The following CACNA1A variants were observed in gnomAD, a reference collection of about 807,000 sequenced individuals.
The protein encoded by CACNA1A is voltage-dependent P/Q-type calcium channel subunit alpha-1A.
Under a neutral mutation model 262.4 loss-of-function variants are expected in CACNA1A, and 57 were observed. The observed-to-expected ratio is 0.22, with a 90% CI of 0.18 to 0.27. CACNA1A has a LOEUF of 0.27. Among genes scored for constraint, CACNA1A ranks in the 10% least tolerant of loss-of-function variants. The probability of loss-of-function intolerance (pLI) is 1.00; values close to 1 mark genes in which losing one functional copy is unlikely to be tolerated. For synonymous variants in CACNA1A, 1,431 were observed against 1,419.3 expected, an observed-to-expected ratio of 1.01 and a Z score of -0.18; for missense variants, 2,526 against 3,562.8, an observed-to-expected ratio of 0.71 and a Z score of 7.41.
intron 26 of CACNA1A, chr19:13,260,584 A>C (rs919263820): frequency 1.3e-5 from 2 of 151,798 alleles, no homozygotes; most frequent in African/African-American, 4.8e-5. Context: ...TCCTGACCTC[A>C]TGATCCGCCC....
chr19:13,304,350 C>T lies in CACNA1A; in HGVS notation c.1987-466G>A, dbSNP rs546401998. Among the ~76,000 whole-genome samples the T allele has an allele frequency of 4.6e-5, 7 of 151,910 alleles. No individual in the cohort carries two copies. In the South Asian group the frequency reaches 6.3e-4, roughly 14 times the overall value. On this transcript the variant is annotated intron_variant, in intron 15 of 46. Coordinates refer to ENST00000360228, the MANE Select transcript of CACNA1A (RefSeq NM_001127222.2). ...TGCCCTTATAAGAACAGGAAGAGAC[C>T]GCATGCCATGGCTCATGCCTGTAAT...
chr19:13,418,128 G>A (rs960245983), intron 3 of CACNA1A, among the ~76,000 whole-genome samples: 2 of 152,110 alleles, frequency 1.3e-5, no homozygotes, highest in African/African-American at 2.4e-5. Flanking sequence ...TCCTCCTCAG[G>A]TGAGTTACTT....
chr19:13,418,675 T>C (rs937793278), intron 3 of CACNA1A, among the ~76,000 whole-genome samples: 1 of 152,012 alleles, frequency 6.6e-6, no homozygotes, highest in Non-Finnish European at 1.5e-5. Flanking sequence ...CCCGGATCCT[T>C]TGGAGGGACC....
chr19:13,439,254 G>T (rs144977531), intron 3 of CACNA1A, among the ~76,000 whole-genome samples: 12 of 150,376 alleles, frequency 8.0e-5, no homozygotes, highest in Non-Finnish European at 1.5e-5. Context: ...GACTACAGGC[G>T]CCCACCACCA....
intron 3 of CACNA1A, among the ~76,000 whole-genome samples, chr19:13,415,899 G>A (rs1396246588): frequency 6.6e-6 from 1 of 152,004 alleles, no homozygotes; most frequent in Admixed American, 6.6e-5. Context: ...GGGATCAGAA[G>A]ACCAGTCTCT....
In CACNA1A at chr19:13,418,031, G is replaced by A. The variant is rs867496604; in HGVS notation, c.539+34845C>T. 2.0e-5 allele frequency among the ~76,000 whole-genome samples: 3 copies of A among 151,868 alleles called. 1 individual carries two copies. The highest frequency in any genetic ancestry group is 4.2e-4 in the South Asian group (2 of 4,816). ...GGTTAGCACAGTAGATGCTCAAAAAGGTATCTGTGACAATATTTGTGTTGC... is the reference window on the plus strand; with the variant it reads ...GGTTAGCACAGTAGATGCTCAAAAAAGTATCTGTGACAATATTTGTGTTGC... On this transcript the variant is annotated intron_variant, in intron 3 of 46. Coordinates refer to ENST00000360228, the MANE Select transcript of CACNA1A (RefSeq NM_001127222.2).
At chr19:13,447,458 C>T (rs2060836949) in intron 3 of CACNA1A, among the ~76,000 whole-genome samples, 1 of 152,100 alleles carries the variant, frequency 6.6e-6, no homozygotes, top group African/African-American at 2.4e-5. Context: ...TTATTGGGAC[C>T]CACTAGGTGT....
intron 46 of CACNA1A, 148 bp downstream of exon 46, chr19:13,208,608 A>C: frequency 2.0e-6 from 2 of 1,011,416 alleles, no homozygotes; most frequent in Non-Finnish European, 2.8e-6. Context: ...GCCGCCGGGC[A>C]CCCCGGTGGC....
chr19:13,445,939 T>C (rs1401315985), intron 3 of CACNA1A, among the ~76,000 whole-genome samples: 1 of 152,176 alleles, frequency 6.6e-6, no homozygotes, highest in Non-Finnish European at 1.5e-5. Context: ...TTTAACGCTG[T>C]GGTTTGCTTC....
Position 13,294,138 on chromosome 19 carries a change from T to C in CACNA1A, c.3089+4406A>G, listed in dbSNP as rs546359600. ...TCTTTTTTTTTTAGACATGAGGTCTTGCTCATCTCTAAAATGAGCAATGCT... is the reference window on the plus strand; with the variant it reads ...TCTTTTTTTTTTAGACATGAGGTCTCGCTCATCTCTAAAATGAGCAATGCT... On this transcript the variant is annotated intron_variant, in intron 19 of 46. Coordinates refer to ENST00000360228, the MANE Select transcript of CACNA1A (RefSeq NM_001127222.2). Among the ~76,000 whole-genome samples the C allele has an allele frequency of 2.7e-5, 4 of 150,724 alleles. 1 individual carries two copies. The highest frequency in any genetic ancestry group is 9.7e-5 in the African/African-American group (4 of 41,060).
Position 13,228,749 on chromosome 19 carries a change from A to G in CACNA1A, c.5529-1222T>C, listed in dbSNP as rs374688464. 37 of 1,602,438 alleles carry G rather than the reference A, an allele frequency of 2.3e-5. No individual in the cohort carries two copies. Among genetic ancestry groups the G allele is most frequent in the African/African-American group, 2.7e-5 (2 of 74,068 alleles). On this transcript the variant is annotated intron_variant, in intron 36 of 46. Coordinates refer to ENST00000360228, the MANE Select transcript of CACNA1A (RefSeq NM_001127222.2). ...TTCTTGCCTAAGCCGAGAGGGGGAG[A>G]TATTACTCGTAATAAACTGTACATA...
intron 10 of CACNA1A, among the ~76,000 whole-genome samples, chr19:13,317,774 G>A (rs2058155792): frequency 6.6e-6 from 1 of 152,224 alleles, no homozygotes; most frequent in African/African-American, 2.4e-5. Context: ...AGTGATCACT[G>A]AGGAATAAGC....
chr19:13,380,594 C>T (rs1401801173), intron 3 of CACNA1A, among the ~76,000 whole-genome samples: 1 of 118,080 alleles, frequency 8.5e-6, no homozygotes. Context: ...TGCAGTGAGC[C>T]AAGATCACAC....
chr19:13,426,470 T>C (rs2060405425), intron 3 of CACNA1A, among the ~76,000 whole-genome samples: 1 of 152,112 alleles, frequency 6.6e-6, no homozygotes, highest in African/African-American at 2.4e-5. Flanking sequence ...CTAAGTATCT[T>C]AGCACAGGGT....
chr19:13,280,547 T>C (rs1441630327), intron 22 of CACNA1A, among the ~76,000 whole-genome samples: 2 of 151,908 alleles, frequency 1.3e-5, no homozygotes, highest in East Asian at 1.9e-4. Flanking sequence ...GGGCGTGGCA[T>C]GGGGACAGTA....
chr19:13,263,683 G>T (rs561934253), intron 24 of CACNA1A, among the ~76,000 whole-genome samples: 1 of 152,022 alleles, frequency 6.6e-6, no homozygotes, highest in Non-Finnish European at 1.5e-5. Context: ...ACCATGCCCA[G>T]CTAACTTTTG....
intron 38 of CACNA1A, among the ~76,000 whole-genome samples, chr19:13,221,512 C>T (rs1029707269): frequency 5.9e-5 from 9 of 151,656 alleles, no homozygotes; most frequent in African/African-American, 2.2e-4. Flanking sequence ...GGATTACAGG[C>T]GTGAGCCTCA....
At chr19:13,384,687 T>C (rs529158828) in intron 3 of CACNA1A, among the ~76,000 whole-genome samples, 7 of 151,658 alleles carry the variant, frequency 4.6e-5, no homozygotes, top group Non-Finnish European at 1.0e-4. Context: ...GTGATGAGAG[T>C]GAAACTCCAT....
intron 19 of CACNA1A, among the ~76,000 whole-genome samples, chr19:13,296,076 T>C (rs535388693): frequency 1.8e-4 from 27 of 152,310 alleles, no homozygotes; most frequent in African/African-American, 6.3e-4. Context: ...GGTGTACATA[T>C]CAGAATTACT....
Sources: allele counts gnomAD v4.1 joint callset (sites outside exome capture counted in the v4.1 genomes callset), GRCh38; gene constraint gnomAD v4.1.1; transcripts MANE v1.5; gene names NCBI Gene and HGNC (gene_info 2026-07-23, HGNC 2026-07-21).